The following GLB1 variants were observed in gnomAD, a reference collection of about 807,000 sequenced individuals.
GLB1 encodes beta-galactosidase.
GLB1 carries 56 observed loss-of-function variants against 74.0 expected under a neutral mutation model. That is an observed-to-expected ratio of 0.76 (90% confidence interval 0.61 to 0.94). The LOEUF is 0.94. Ranked by LOEUF, GLB1 falls within the 40% of genes least tolerant of loss-of-function variation. GLB1 has a pLI of 0.00. For synonymous variants in GLB1, 323 were observed against 323.6 expected (o/e 1.00, Z 0.02); for missense variants, 787 against 845.5 (o/e 0.93, Z 0.86).
At chr3:33,074,657 T>C (rs892176993) in intron 1 of GLB1, among the ~76,000 whole-genome samples, 51 of 152,194 alleles carry the variant, frequency 3.4e-4, no homozygotes, top group African/African-American at 1.1e-3. Flanking sequence ...CTCTGGTGGA[T>C]AAGGCAGCAA....
chr3:33,001,945 A>G (rs1696590177), intron 15 of GLB1, among the ~76,000 whole-genome samples: 1 of 152,180 alleles, frequency 6.6e-6, no homozygotes. Context: ...TAAAAAATAT[A>G]TACATTGATT....
rs77338551 is a variant in GLB1 at position 33,074,931 on chromosome 3, T to C, written c.76-2218A>G. Among the ~76,000 whole-genome samples the C allele has an allele frequency of 6.1e-3, 926 of 152,266 alleles. 17 individuals are homozygous for C. The highest frequency in any genetic ancestry group is 0.021 in the African/African-American group (865 of 41,548). On this transcript the variant is annotated intron_variant, in intron 1 of 15. Coordinates refer to ENST00000307363, the MANE Select transcript of GLB1 (RefSeq NM_000404.4). ...GTTAAACAACTCAGAGAAGAATTCA[T>C]AGGGGCAAATGGAGAGCTTCACTGT...
rs554452290 is a variant in GLB1 at position 33,024,652 on chromosome 3, G to A, written c.1069-327C>T. On this transcript the variant is annotated intron_variant, in intron 10 of 15. Transcript: ENST00000307363. ...TGGGAGGAAAAAAGGAAACAGGTAC[G>A]TGACAGACTCTGAAGGGAGACAGCC... is the stretch of plus-strand genomic sequence containing the variant. 9.8e-4 allele frequency among the ~76,000 whole-genome samples: 150 copies of A among 152,318 alleles called. 1 individual carries two copies. The highest frequency in any genetic ancestry group is 6.8e-3 in the Middle Eastern group (2 of 294).
intron 9 of GLB1, among the ~76,000 whole-genome samples, chr3:33,047,886 C>T (rs1360419577): frequency 1.3e-5 from 2 of 152,162 alleles, no homozygotes; most frequent in Non-Finnish European, 2.9e-5. Flanking sequence ...AGACAACTCA[C>T]AGCCAACAGG....
At chr3:32,969,037 T>C in the GLB1 span, among the ~76,000 whole-genome samples, 5 of 152,344 alleles carry the variant, frequency 3.3e-5, no homozygotes, top group South Asian at 1.0e-3. Flanking sequence ...CCTTCATTGC[T>C]GTGTGGATGT....
intron 10 of GLB1, among the ~76,000 whole-genome samples, chr3:33,036,949 T>C (rs964194229): frequency 6.6e-6 from 1 of 152,194 alleles, no homozygotes; most frequent in Admixed American, 6.5e-5. Context: ...ATAATGGTGA[T>C]GGCTGTATAA....
intron 10 of GLB1, among the ~76,000 whole-genome samples, chr3:33,031,922 A>C (rs1477520246): frequency 6.6e-6 from 1 of 151,746 alleles, no homozygotes; most frequent in East Asian, 1.9e-4. Context: ...CTCAGCCACC[A>C]GAGTAGCTGG....
intron 10 of GLB1, chr3:33,033,781 A>C: frequency 5.0e-6 from 1 of 200,864 alleles, no homozygotes. Context: ...ACTGTCTCAA[A>C]AAAAAAAAAA....
chr3:32,977,556 G>C, the GLB1 span, among the ~76,000 whole-genome samples: 1 of 152,124 alleles, frequency 6.6e-6, no homozygotes, highest in Non-Finnish European at 1.5e-5. Context: ...GCTGACATCT[G>C]TGTTAGACAT....
intron 1 of GLB1, among the ~76,000 whole-genome samples, chr3:33,089,789 G>A (rs954784252): frequency 6.6e-6 from 1 of 152,184 alleles, no homozygotes; most frequent in Non-Finnish European, 1.5e-5. Flanking sequence ...TGGGTATATA[G>A]ATTTGCAAGA....
chr3:33,094,384 C>T (rs1187155474), intron 1 of GLB1: 11 of 1,356,162 alleles, frequency 8.1e-6, no homozygotes, highest in African/African-American at 2.9e-5. Context: ...CCACTTACAT[C>T]TGCCCAACCC....
intron 1 of GLB1, among the ~76,000 whole-genome samples, chr3:33,076,657 CAG>C (rs976461967): frequency 3.3e-5 from 5 of 152,042 alleles, no homozygotes; most frequent in Admixed American, 6.5e-5. Context: ...AAATGAGAGA[CAG>C]AGAGAGCGAG....
intron 13 of GLB1, 134 bp from the exon 14 acceptor site, chr3:33,016,974 T>C (rs1697259568): frequency 4.2e-6 from 6 of 1,425,116 alleles, no homozygotes; most frequent in Admixed American, 2.3e-5. Flanking sequence ...AATGCTTTGA[T>C]AGCATCTTAG....
chr3:33,025,296 C>A (rs1697692491), intron 10 of GLB1, among the ~76,000 whole-genome samples: 1 of 152,166 alleles, frequency 6.6e-6, no homozygotes, highest in Admixed American at 6.5e-5. Flanking sequence ...TTTTGAAAGT[C>A]TGAAACTATT....
At chr3:33,094,505 AT>A (rs2125587267) in intron 1 of GLB1, among the ~76,000 whole-genome samples, 1 of 152,308 alleles carries the variant, frequency 6.6e-6, no homozygotes, top group South Asian at 2.1e-4. Flanking sequence ...TTCTTACCAC[AT>A]GTTCTATACG....
chr3:33,034,999 G>A (rs954690953), intron 10 of GLB1, among the ~76,000 whole-genome samples: 1 of 151,994 alleles, frequency 6.6e-6, no homozygotes, highest in Non-Finnish European at 1.5e-5. Context: ...GTAACTTTGG[G>A]TTCAGGCATT....
At chr3:32,994,324 A>C (rs764248179), downstream of GLB1, among the ~76,000 whole-genome samples, 6 of 152,224 alleles carry the variant, frequency 3.9e-5, no homozygotes, top group Non-Finnish European at 7.3e-5. Flanking sequence ...ACAAATGACT[A>C]CATTGTGAGG....
the GLB1 span, among the ~76,000 whole-genome samples, chr3:32,966,953 A>C: frequency 6.6e-6 from 1 of 152,146 alleles, no homozygotes; most frequent in African/African-American, 2.4e-5. Context: ...AGTCCATTAG[A>C]TTTCTTTCCT....
downstream of GLB1, among the ~76,000 whole-genome samples, chr3:32,992,591 C>G (rs188385027): frequency 6.6e-6 from 1 of 152,228 alleles, no homozygotes; most frequent in Non-Finnish European, 1.5e-5. Flanking sequence ...TAGACTTACA[C>G]GATTCCCTTG....
Sources: allele counts gnomAD v4.1 joint callset (sites outside exome capture counted in the v4.1 genomes callset), GRCh38; gene constraint gnomAD v4.1.1; transcripts MANE v1.5; gene names NCBI Gene and HGNC (gene_info 2026-07-23, HGNC 2026-07-21).